The following NDUFAF6 variants were observed in gnomAD, a reference collection of about 807,000 sequenced individuals.
The protein encoded by NDUFAF6 is NADH:ubiquinone oxidoreductase complex assembly factor 6, also known as NADH dehydrogenase (ubiquinone) complex I, assembly factor 6.
NDUFAF6 carries 45 observed loss-of-function variants against 40.8 expected under a neutral mutation model. The ratio of observed to expected loss-of-function variants is 1.10; its 90% CI spans 0.87 to 1.42. The LOEUF is 1.42. Ranked by LOEUF, NDUFAF6 falls within the 40% of genes most tolerant of loss-of-function variation. The pLI is 0.00. For missense variants in NDUFAF6, 435 were observed against 418.5 expected, an observed-to-expected ratio of 1.04 and a Z score of -0.34; for synonymous variants, 185 against 155.9, an observed-to-expected ratio of 1.19 and a Z score of -1.39.
chr8:95,081,837 G>A (rs150557318), intron 2 of NDUFAF6, among the ~76,000 whole-genome samples: 9,414 of 151,668 alleles, frequency 0.062, 909 homozygotes, highest in African/African-American at 0.21. Context: ...CGAGGCGAGC[G>A]GATCATGAGG....
chr8:95,054,811 G>A (rs1314261276), intron 8 of NDUFAF6, among the ~76,000 whole-genome samples: 3 of 152,122 alleles, frequency 2.0e-5, no homozygotes, highest in African/African-American at 7.2e-5. Context: ...TGCTTCTGTC[G>A]TACACCCTCA....
At chr8:94,982,937 C>G (rs1159060490) in intron 2 of NDUFAF6, among the ~76,000 whole-genome samples, 2 of 152,236 alleles carry the variant, frequency 1.3e-5, no homozygotes, top group African/African-American at 2.4e-5. Context: ...ATGTGGTCCT[C>G]ACAATACTGG....
intron 2 of NDUFAF6, among the ~76,000 whole-genome samples, chr8:94,986,550 G>A (rs1320156716): frequency 2.6e-5 from 4 of 152,176 alleles, no homozygotes; most frequent in African/African-American, 9.7e-5. Context: ...CATCTGAACT[G>A]TCAATTTCCA....
chr8:94,987,766 G>A (rs1825997832), intron 2 of NDUFAF6, among the ~76,000 whole-genome samples: 1 of 152,136 alleles, frequency 6.6e-6, no homozygotes, highest in Non-Finnish European at 1.5e-5. Context: ...TAATCAGATT[G>A]CAACCTCAAG....
At chr8:94,975,065 G>A (rs1025063510) in intron 1 of NDUFAF6, among the ~76,000 whole-genome samples, 1 of 152,206 alleles carries the variant, frequency 6.6e-6, no homozygotes, top group Non-Finnish European at 1.5e-5. Flanking sequence ...ACCACTTGGA[G>A]GAGCCTGAAC....
rs1307359791 is a variant in NDUFAF6, at chr8:95,052,268, A to G, written c.873+38A>G. On this transcript the variant is annotated intron_variant, in intron 8 of 8. Coordinates refer to ENST00000396124, the MANE Select transcript of NDUFAF6 (RefSeq NM_152416.4). ...ACAGAGAAGGCTGTATAATTAGTGA[A>G]GCAGATGTGTATGATCTGTTTTTAT... The G allele has an allele frequency of 5.1e-6, 8 of 1,580,604 alleles. No homozygotes were observed. In the East Asian group the frequency reaches 1.3e-4, roughly 27 times the overall value.
At chr8:94,994,285 T>C (rs1826321473) in intron 2 of NDUFAF6, among the ~76,000 whole-genome samples, 1 of 152,138 alleles carries the variant, frequency 6.6e-6, no homozygotes, top group Non-Finnish European at 1.5e-5. Flanking sequence ...GCGCGGTGGC[T>C]CACACCTGTA....
intron 1 of NDUFAF6, chr8:94,926,074 A>G (rs1459440445): frequency 6.6e-6 from 1 of 152,664 alleles, no homozygotes; most frequent in African/African-American, 2.4e-5. Context: ...GTTAACACAC[A>G]ATGTTTAAAC....
At chr8:95,042,317 T>C (rs1830236314) in intron 4 of NDUFAF6, among the ~76,000 whole-genome samples, 2 of 152,218 alleles carry the variant, frequency 1.3e-5, no homozygotes, top group African/African-American at 4.8e-5. Flanking sequence ...AATTACATGC[T>C]GTTGTCATGG....
intron 1 of NDUFAF6, among the ~76,000 whole-genome samples, chr8:94,902,055 G>GA (rs201148407): frequency 2.2e-4 from 32 of 144,896 alleles, no homozygotes; most frequent in East Asian, 1.6e-3. Flanking sequence ...ATTTCAAAAA[G>GA]AAAAAAAAAA....
intron 1 of NDUFAF6, among the ~76,000 whole-genome samples, chr8:94,923,632 A>G (rs745651500): frequency 3.6e-4 from 55 of 150,966 alleles, no homozygotes; most frequent in Non-Finnish European, 6.9e-4. Flanking sequence ...GTTTTCTTAT[A>G]TTCCTTTCTT....
chr8:95,043,830 C>T (rs1830417926), intron 4 of NDUFAF6, among the ~76,000 whole-genome samples: 1 of 152,140 alleles, frequency 6.6e-6, no homozygotes, highest in African/African-American at 2.4e-5. Context: ...AGTTTGGCAA[C>T]TTTTTCTTCG....
rs1279267134 is a variant in NDUFAF6, at chr8:95,046,992, AGGT to A, written c.581-1_582del. ...AGCCCTGTGTAATTTCTGAAATCAT[AGGT>A]ATAAAGGATCTTCATGCAGATCATG... On this transcript the variant is annotated splice_acceptor_variant and coding_sequence_variant, in exon 6 of 9. Transcript: ENST00000396124. LOFTEE classifies it high-confidence loss of function. 6.2e-7 allele frequency: 1 copy of A among 1,614,022 alleles called. No homozygotes were observed. Among genetic ancestry groups the A allele is most frequent in the South Asian group, 1.1e-5 (1 of 91,088 alleles).
downstream of NDUFAF6, among the ~76,000 whole-genome samples, chr8:95,104,801 A>G (rs1809768259): frequency 6.6e-6 from 1 of 152,066 alleles, no homozygotes; most frequent in African/African-American, 2.4e-5. Context: ...CAGGCTGGGC[A>G]CCTGACCCTC....
chr8:95,092,692 C>T (rs2132065919), intron 2 of NDUFAF6, among the ~76,000 whole-genome samples: 1 of 150,094 alleles, frequency 6.7e-6, no homozygotes, highest in African/African-American at 2.4e-5. Context: ...TCAAGTGATT[C>T]TCCTGCCTCA....
intron 1 of NDUFAF6, among the ~76,000 whole-genome samples, chr8:94,901,382 G>A (rs1271614468): frequency 6.6e-6 from 1 of 152,004 alleles, no homozygotes; most frequent in Non-Finnish European, 1.5e-5. Flanking sequence ...AGCAGGCTGG[G>A]TGGTGGAGAT....
At chr8:95,033,946 G>GA (rs1163973964) in intron 2 of NDUFAF6, 1 of 455,408 alleles carries the variant, frequency 2.2e-6, no homozygotes, top group African/African-American at 2.0e-5. Context: ...GGCTGAGTGA[G>GA]ATAGGCAGCC....
chr8:95,113,111 G>A (rs534717065), intron 4 of NDUFAF6, among the ~76,000 whole-genome samples: 1 of 152,348 alleles, frequency 6.6e-6, no homozygotes, highest in South Asian at 2.1e-4. Context: ...GTTCAGTGAT[G>A]TGCCGGAGGT....
intron 5 of NDUFAF6, chr8:95,116,153 A>G (rs1810131568): frequency 6.2e-6 from 1 of 160,082 alleles, no homozygotes; most frequent in African/African-American, 2.4e-5. Context: ...AAAACAAAAC[A>G]AAACAAAACC....
Sources: allele counts gnomAD v4.1 joint callset (sites outside exome capture counted in the v4.1 genomes callset), GRCh38; gene constraint gnomAD v4.1.1; transcripts MANE v1.5; gene names NCBI Gene and HGNC (gene_info 2026-07-23, HGNC 2026-07-21).